The following RPS6KA2 variants were observed in gnomAD, a reference collection of about 807,000 sequenced individuals.
RPS6KA2 encodes the protein ribosomal protein S6 kinase A2.
In RPS6KA2, 42 loss-of-function variants were observed where a neutral mutation model predicts 91.8. The ratio of observed to expected loss-of-function variants is 0.46; its 90% CI spans 0.36 to 0.59. The LOEUF (loss-of-function observed/expected upper bound fraction) is 0.59. RPS6KA2 is among the 20% of genes least tolerant of loss of function. The pLI is 0.00. For synonymous variants in RPS6KA2, 414 were observed against 393.6 expected, an observed-to-expected ratio of 1.05 and a Z score of -0.61; for missense variants, 798 against 978.5, an observed-to-expected ratio of 0.82 and a Z score of 2.46.
intron 2 of RPS6KA2, among the ~76,000 whole-genome samples, chr6:166,803,694 C>T (rs1272125352): frequency 1.3e-5 from 2 of 152,180 alleles, no homozygotes; most frequent in East Asian, 3.9e-4. Context: ...GCAGGAAACC[C>T]CACAGAGACT....
intron 2 of RPS6KA2, among the ~76,000 whole-genome samples, chr6:166,856,642 A>G (rs1780911382): frequency 6.6e-6 from 1 of 152,248 alleles, no homozygotes; most frequent in African/African-American, 2.4e-5. Flanking sequence ...GTCTGTCTGC[A>G]GTAAACACAC....
chr6:166,479,262 T>G (rs951405845), intron 10 of RPS6KA2, among the ~76,000 whole-genome samples: 20 of 151,474 alleles, frequency 1.3e-4, no homozygotes, highest in African/African-American at 4.4e-4. Context: ...AGCCCACGAG[T>G]GAGGGAAGGC....
chr6:166,835,656 G>A lies in RPS6KA2; in HGVS notation c.123+22544C>T, dbSNP rs116910624. Reference sequence around the variant, plus strand: ...AATAGCTGCTTTTGCAGATAATTTGGAATCTTCTAGGTAAATAGTAATGTT... The same window carrying A: ...AATAGCTGCTTTTGCAGATAATTTGAAATCTTCTAGGTAAATAGTAATGTT... On this transcript the variant is annotated intron_variant, in intron 2 of 21. Coordinates refer to the RPS6KA2 transcript ENST00000503859. 2.4e-3 allele frequency among the ~76,000 whole-genome samples: 367 copies of A among 152,288 alleles called. 12 individuals carry two copies. The East Asian group carries it at 0.063, about 26-fold the overall frequency.
intron 3 of RPS6KA2, among the ~76,000 whole-genome samples, chr6:166,520,215 AC>A (rs1453260630): frequency 6.6e-6 from 1 of 152,092 alleles, no homozygotes; most frequent in Admixed American, 6.5e-5. Flanking sequence ...TGAAACTTAT[AC>A]CACCAGCTCT....
chr6:166,700,641 A>G (rs1349972230), intron 2 of RPS6KA2, among the ~76,000 whole-genome samples: 2 of 152,208 alleles, frequency 1.3e-5, no homozygotes, highest in African/African-American at 2.4e-5. Context: ...AACTGAGAAC[A>G]GTTTTTCCAT....
chr6:166,522,643 T>C (rs186665885), intron 3 of RPS6KA2, among the ~76,000 whole-genome samples: 1 of 152,196 alleles, frequency 6.6e-6, no homozygotes, highest in African/African-American at 2.4e-5. Flanking sequence ...TTTACCCCCA[T>C]AAAGGCTATT....
intron 16 of RPS6KA2, among the ~76,000 whole-genome samples, chr6:166,424,146 A>T (rs937171253): frequency 1.8e-4 from 27 of 152,230 alleles, no homozygotes; most frequent in African/African-American, 5.1e-4. Context: ...AGGATGTAGA[A>T]GGGAATTAAA....
intron 13 of RPS6KA2, among the ~76,000 whole-genome samples, chr6:166,450,279 C>T (rs1316747595): frequency 1.3e-5 from 2 of 150,770 alleles, no homozygotes; most frequent in East Asian, 3.9e-4. Flanking sequence ...ATCACGGGTA[C>T]CACCAGGGAA....
intron 2 of RPS6KA2, among the ~76,000 whole-genome samples, chr6:166,743,731 C>T (rs974842590): frequency 1.3e-5 from 2 of 152,216 alleles, no homozygotes; most frequent in African/African-American, 4.8e-5. Context: ...TTCTCTTTAA[C>T]TTTTCACCCG....
intron 2 of RPS6KA2, among the ~76,000 whole-genome samples, chr6:166,847,152 C>T (rs1222486522): frequency 6.6e-6 from 1 of 151,864 alleles, no homozygotes; most frequent in Admixed American, 6.6e-5. Flanking sequence ...AAGAACTCAA[C>T]CCCTTTTACA....
intron 2 of RPS6KA2, among the ~76,000 whole-genome samples, chr6:166,836,843 C>G (rs1485750894): frequency 6.6e-6 from 1 of 152,180 alleles, no homozygotes; most frequent in Non-Finnish European, 1.5e-5. Context: ...TTAAATTACA[C>G]CTGCACCCAA....
rs147631047 is a variant in RPS6KA2 at position 166,680,485 on chromosome 6, GTAGTAA to G, written c.124-141707_124-141702del. ...TGGAAGGTTTGTTTTTTTGCTCTTT[GTAGTAA>G]ATCTTGCTGGTGCCCACTTTTTGGG... On this transcript the variant is annotated intron_variant, in intron 2 of 21. Coordinates refer to the RPS6KA2 transcript ENST00000503859. 6.7e-3 allele frequency among the ~76,000 whole-genome samples: 1,021 copies of G among 152,236 alleles called. 20 individuals are homozygous for G. In the South Asian group the frequency reaches 0.072, roughly 11 times the overall value.
chr6:166,701,131 G>A lies in RPS6KA2; in HGVS notation c.123+157069C>T, dbSNP rs112052350. 1.2e-5 allele frequency: 19 copies of A among 1,611,864 alleles called. No individual in the cohort carries two copies. The African/African-American group carries it at 1.7e-4, about 15-fold the overall frequency. ...TGACTGAGGTGGTCCACTTTGCAGA[G>A]CCTTCTGTTGTTGCTGCTGCTTTAC... On this transcript the variant is annotated intron_variant, in intron 2 of 21. Coordinates refer to the RPS6KA2 transcript ENST00000503859.
intron 1 of RPS6KA2, among the ~76,000 whole-genome samples, chr6:166,618,949 G>A (rs1162423786): frequency 1.3e-5 from 2 of 152,034 alleles, no homozygotes; most frequent in African/African-American, 4.8e-5. Flanking sequence ...TATGGACTCC[G>A]ATTGACGCCA....
At chr6:166,646,720 C>G (rs1787615160) in intron 2 of RPS6KA2, among the ~76,000 whole-genome samples, 2 of 152,178 alleles carry the variant, frequency 1.3e-5, no homozygotes, top group Non-Finnish European at 2.9e-5. Flanking sequence ...CCTAAGCCCC[C>G]TTCAGTTCCT....
In RPS6KA2 at chr6:166,448,588, G is replaced by T; in HGVS notation, c.1332+136C>A. The T allele has an allele frequency of 9.0e-7, 1 of 1,116,978 alleles. No homozygotes were observed. The highest frequency in any genetic ancestry group is 1.3e-6 in the Non-Finnish European group (1 of 795,060). 69.2% of individuals were successfully genotyped at this position (1,116,978 alleles called of 1,614,324 possible). ...GTGCTCCTATGCTCCGTGCTCCCAT[G>T]TGCTGTACATGCTCCCACACGCTGC... On this transcript the variant is annotated intron_variant, in intron 14 of 20. Coordinates refer to ENST00000265678, the MANE Select transcript of RPS6KA2 (RefSeq NM_021135.6). The surrounding 1 kb of genome is among the most constrained non-coding windows in gnomAD (Gnocchi z 4.7).
chr6:166,584,966 A>C (rs1234041387), intron 1 of RPS6KA2, among the ~76,000 whole-genome samples: 1 of 152,238 alleles, frequency 6.6e-6, no homozygotes, highest in Non-Finnish European at 1.5e-5. Flanking sequence ...TGTCATTCCC[A>C]AGATGTCTCA....
At chr6:166,804,229 TA>T (rs1779436992) in intron 2 of RPS6KA2, among the ~76,000 whole-genome samples, 1 of 152,122 alleles carries the variant, frequency 6.6e-6, no homozygotes, top group Non-Finnish European at 1.5e-5. Context: ...CTGTCACAGA[TA>T]AATAACAGCC....
chr6:166,640,947 C>A (rs1057105244), intron 2 of RPS6KA2, among the ~76,000 whole-genome samples: 22 of 152,190 alleles, frequency 1.4e-4, no homozygotes, highest in Non-Finnish European at 2.9e-4. Flanking sequence ...GTAAAAACTG[C>A]CCTCTCAGAT....
Sources: gnomAD v4.1 joint callset for allele counts (sites outside exome capture counted in the v4.1 genomes callset) on GRCh38, gnomAD v4.1.1 for gene constraint, Gnocchi (gnomAD v3.1) non-coding constraint, MANE v1.5 for transcripts, NCBI Gene and HGNC (gene_info 2026-07-23, HGNC 2026-07-21) for gene names.